Variants in TGFBRAP1 observed in about 807,000 individuals in gnomAD.
TGFBRAP1 encodes transforming growth factor beta receptor associated protein 1.
In TGFBRAP1, 20 loss-of-function variants were observed where a neutral mutation model predicts 83.2. The ratio of observed to expected loss-of-function variants is 0.24; its 90% CI spans 0.17 to 0.35. The LOEUF is 0.35. TGFBRAP1 is among the 10% of genes least tolerant of loss of function. The probability of loss-of-function intolerance (pLI) is 1.00; values close to 1 mark genes in which losing one functional copy is unlikely to be tolerated. For missense variants in TGFBRAP1, 950 were observed against 1,099.4 expected (o/e 0.86, Z 1.92); for synonymous variants, 415 against 459.8 (o/e 0.90, Z 1.25).
chr2:105,319,115 C>T (rs185201349), intron 1 of TGFBRAP1, among the ~76,000 whole-genome samples: 171 of 152,126 alleles, frequency 1.1e-3, no homozygotes, highest in African/African-American at 4.0e-3. Context: ...GGCTGGAGTG[C>T]AGTGGTGTAA....
the TGFBRAP1 span, among the ~76,000 whole-genome samples, chr2:105,250,853 G>A: frequency 5.3e-5 from 8 of 152,214 alleles, no homozygotes; most frequent in African/African-American, 9.6e-5. Context: ...ACGGGGTTTC[G>A]CCGTGTTGGC....
chr2:105,318,738 A>G (rs1678963459), intron 1 of TGFBRAP1, among the ~76,000 whole-genome samples: 1 of 152,162 alleles, frequency 6.6e-6, no homozygotes, highest in Non-Finnish European at 1.5e-5. Flanking sequence ...TCCATCCATC[A>G]TTTCCCATAA....
At chr2:105,300,434 CTTTTTT>C (rs769660664) in intron 2 of TGFBRAP1, among the ~76,000 whole-genome samples, 2 of 119,030 alleles carry the variant, frequency 1.7e-5, no homozygotes, top group African/African-American at 6.3e-5. Flanking sequence ...GGAGTAAAAT[CTTTTTT>C]TTTTTTTTTT....
downstream of TGFBRAP1, among the ~76,000 whole-genome samples, chr2:105,261,055 C>T (rs537919994): frequency 7.2e-5 from 11 of 152,226 alleles, no homozygotes; most frequent in Admixed American, 5.2e-4. Flanking sequence ...CAGTTATATT[C>T]GTTTATAAGC....
chr2:105,295,324 C>T (rs1678045606), intron 4 of TGFBRAP1, among the ~76,000 whole-genome samples: 1 of 152,100 alleles, frequency 6.6e-6, no homozygotes, highest in African/African-American at 2.4e-5. Flanking sequence ...ATATTAAGAA[C>T]TTTTTCATTA....
chr2:105,266,031 T>A lies in TGFBRAP1; in HGVS notation c.*1352A>T, dbSNP rs1170446304. The stretch of plus-strand genomic sequence containing the variant: ...ATAGTAGTGGGTAGACTGCCTTTAT[T>A]GTTAGCCCCTAATAGAATCAGTCAG... On this transcript the variant is annotated 3_prime_UTR_variant, in exon 12 of 12. Transcript: ENST00000393359. The A allele has an allele frequency of 2.6e-5, 4 of 152,228 alleles. No individual in the cohort carries two copies. The highest frequency in any genetic ancestry group is 9.6e-5 in the African/African-American group (4 of 41,458). The allele number at this position is 152,228 out of a possible 1,614,324, so 9.4% of individuals were successfully genotyped here.
chr2:105,278,066 ATATGTGTG>A (rs750203958), intron 6 of TGFBRAP1, among the ~76,000 whole-genome samples: 2 of 113,702 alleles, frequency 1.8e-5, no homozygotes, highest in South Asian at 3.1e-4. Context: ...CTCAAAAAAT[ATATGTGTG>A]TGTGTGTGTG....
chr2:105,279,747 T>C (rs1677467185), intron 6 of TGFBRAP1, among the ~76,000 whole-genome samples: 1 of 151,818 alleles, frequency 6.6e-6, no homozygotes, highest in African/African-American at 2.4e-5. Context: ...AATTGAAAAA[T>C]AACTTCATGG....
chr2:105,273,000 G>C lies in TGFBRAP1; in HGVS notation c.1827C>G (p.His609Gln). ...IDKRLQKEEY[H>Q]THLAVLYLEE... ...CCAGGTACAGCACAGCTAAGTGGGT[G>C]TGATACTCTTCTTTCTGCAGGAAAC... The change falls in exon 10 of 12, where the codon CAC (histidine) becomes CAG (glutamine). Residue 609 changes from histidine to glutamine, a missense_variant. His to Gln is a conservative substitution (Grantham distance 24). Coordinates refer to ENST00000393359, the MANE Select transcript of TGFBRAP1 (RefSeq NM_004257.6). The C allele has an allele frequency of 6.2e-7, 1 of 1,611,346 alleles. No individual in the cohort carries two copies. The highest frequency in any genetic ancestry group is 8.5e-7 in the Non-Finnish European group (1 of 1,179,382).
downstream of TGFBRAP1, among the ~76,000 whole-genome samples, chr2:105,261,571 G>T (rs561123108): frequency 4.9e-4 from 75 of 152,238 alleles, no homozygotes; most frequent in African/African-American, 1.7e-3. Flanking sequence ...GGCCAACATA[G>T]TGAAACCCTA....
rs565413889 is a variant in TGFBRAP1 at position 105,309,575 on chromosome 2, A to G, written c.-17-1257T>C. ...TTTCAAATAGAAAATTTGGAATTCT[A>G]CAATTTTGTGTCTGCCCCCATCCAT... On this transcript the variant is annotated intron_variant, in intron 1 of 11. Coordinates refer to ENST00000393359, the MANE Select transcript of TGFBRAP1 (RefSeq NM_004257.6). 3.6e-4 allele frequency among the ~76,000 whole-genome samples: 55 copies of G among 152,280 alleles called. 1 individual carries two copies. The highest frequency in any genetic ancestry group is 1.3e-3 in the African/African-American group (54 of 41,556).
chr2:105,312,654 G>A (rs1313459414), intron 1 of TGFBRAP1, among the ~76,000 whole-genome samples: 1 of 152,182 alleles, frequency 6.6e-6, no homozygotes, highest in Non-Finnish European at 1.5e-5. Context: ...TTTCCTACCA[G>A]GTTAAGAATA....
intron 4 of TGFBRAP1, 27 bp downstream of exon 4, chr2:105,296,329 T>C: frequency 6.2e-7 from 1 of 1,612,638 alleles, no homozygotes; most frequent in East Asian, 2.2e-5. Context: ...CTTAGAGGCA[T>C]ATTTCTGTGA....
chr2:105,294,504 C>T (rs1678017722), intron 4 of TGFBRAP1, among the ~76,000 whole-genome samples: 2 of 152,084 alleles, frequency 1.3e-5, no homozygotes. Context: ...TGCAATCACA[C>T]AAGGAGGCTG....
In TGFBRAP1 at chr2:105,267,265, G is replaced by T; in HGVS notation, c.*118C>A. 1 of 1,367,270 alleles carries T rather than the reference G, an allele frequency of 7.3e-7. No homozygotes were observed. The highest frequency in any genetic ancestry group is 9.9e-7 in the Non-Finnish European group (1 of 1,014,648). 84.7% of individuals were successfully genotyped at this position (1,367,270 alleles called of 1,614,324 possible). On this transcript the variant is annotated 3_prime_UTR_variant, in exon 12 of 12. Coordinates refer to ENST00000393359, the MANE Select transcript of TGFBRAP1 (RefSeq NM_004257.6). ...GTTGCGTATGGACGGAAGGCTCCCT[G>T]GCACCCAGATGTCTCCCTTCGTCCT...
chr2:105,252,751 C>CTTTT, the TGFBRAP1 span, among the ~76,000 whole-genome samples: 66 of 113,304 alleles, frequency 5.8e-4, no homozygotes, highest in Admixed American at 8.5e-4. Flanking sequence ...ATATTAACAT[C>CTTTT]TTTTTTTTTT....
downstream of TGFBRAP1, among the ~76,000 whole-genome samples, chr2:105,261,805 G>A (rs914803530): frequency 3.9e-5 from 6 of 152,242 alleles, no homozygotes; most frequent in African/African-American, 1.4e-4. Flanking sequence ...AGGAAAAGGG[G>A]CAACTGAAAA....
chr2:105,308,068 G>C lies in TGFBRAP1; in HGVS notation c.234C>G (p.Pro78=), dbSNP rs760318984. 2.5e-6 allele frequency: 4 copies of C among 1,613,678 alleles called. No homozygotes were observed. The highest frequency in any genetic ancestry group is 3.4e-6 in the Non-Finnish European group (4 of 1,179,822). The change falls in exon 2 of 12, where the codon CCC becomes CCG. Residue 78 remains proline (P), a synonymous_variant. Coordinates refer to ENST00000393359, the MANE Select transcript of TGFBRAP1 (RefSeq NM_004257.6). ...QLQRHLGFKK[P]VNELRAASAL... Reference sequence around the variant, plus strand: ...CTGAGGCCGCACGCAGCTCGTTCACGGGCTTCTTGAAGCCCAAGTGTCTCT... The same window carrying C: ...CTGAGGCCGCACGCAGCTCGTTCACCGGCTTCTTGAAGCCCAAGTGTCTCT...
chr2:105,267,540 G>C lies in TGFBRAP1; in HGVS notation c.2426C>G (p.Ser809Ter). The change falls in exon 12 of 12, where the codon TCA (serine) becomes TGA (stop). Residue 809 changes from serine (S) to a stop codon, truncating the protein, a stop_gained. Transcript: ENST00000393359. LOFTEE classifies it high-confidence loss of function. ...AAGCTTTTTGTCTGAGAGTTGGATT[G>C]AGCTTCCTTTCAACTTCATCTGCAA... ...TYDKMKLKGS[S>*]IQLSDKKLCQ... 2 of 1,614,164 alleles carry C rather than the reference G, an allele frequency of 1.2e-6. No homozygotes were observed. Among genetic ancestry groups the C allele is most frequent in the Non-Finnish European group, 8.5e-7 (1 of 1,180,034 alleles).
Sources: gnomAD v4.1 joint callset for allele counts (sites outside exome capture counted in the v4.1 genomes callset) on GRCh38, gnomAD v4.1.1 for gene constraint, MANE v1.5 for transcripts, NCBI Gene and HGNC (gene_info 2026-07-23, HGNC 2026-07-21) for gene names.